RPH3AL: variants seen among roughly 807,000 people sequenced by gnomAD.
The protein encoded by RPH3AL is rab effector Noc2.
Under a neutral mutation model 43.1 loss-of-function variants are expected in RPH3AL, and 38 were observed. The ratio of observed to expected loss-of-function variants is 0.88; its 90% CI spans 0.68 to 1.15. RPH3AL has a LOEUF of 1.15. Among genes scored for constraint, RPH3AL ranks in the 50% most tolerant of loss-of-function variants. The pLI, the probability that RPH3AL is intolerant of heterozygous loss-of-function variation, is 0.00. For missense variants in RPH3AL, 462 were observed against 423.2 expected (o/e 1.09, Z -0.81); for synonymous variants, 189 against 176.3 (o/e 1.07, Z -0.57).
At chr17:316,960 TACAC>T (rs2044256813) in intron 5 of RPH3AL, among the ~76,000 whole-genome samples, 2 of 120,708 alleles carry the variant, frequency 1.7e-5, no homozygotes, top group African/African-American at 3.6e-5. Flanking sequence ...GTAGTCTCTC[TACAC>T]CCACCTCCAT....
chr17:266,196 C>T (rs1555547909), intron 6 of RPH3AL, among the ~76,000 whole-genome samples: 2 of 150,044 alleles, frequency 1.3e-5, no homozygotes, highest in Non-Finnish European at 1.5e-5. Flanking sequence ...CACTTTAAGG[C>T]CCCAGTGGTG....
At chr17:249,010 G>C (rs1305133937) in intron 6 of RPH3AL, among the ~76,000 whole-genome samples, 1 of 152,128 alleles carries the variant, frequency 6.6e-6, no homozygotes, top group East Asian at 1.9e-4. Flanking sequence ...TCTCAGATGG[G>C]ACAGCCTCTC....
At chr17:351,032 C>T (rs60932163) in intron 1 of RPH3AL, among the ~76,000 whole-genome samples, 2 of 152,148 alleles carry the variant, frequency 1.3e-5, no homozygotes, top group Admixed American at 6.5e-5. Context: ...GATGCTCCCC[C>T]CTTCTAGGAC....
At position 290,043 on chromosome 17, in the gene RPH3AL, C is replaced by G. The variant is rs1176674433; in HGVS notation, c.352-8189G>C. On this transcript the variant is annotated intron_variant, in intron 5 of 9. Transcript: ENST00000331302. This position sits in a 1 kb window ranked among gnomAD's most constrained non-coding sequence, Gnocchi z 4.2. ...ACCCTCCTGCTCCCTGTGCCCGGCA[C>G]AGTGACTATTTGCAGAAGAACGGAT... Among the ~76,000 whole-genome samples the G allele has an allele frequency of 6.6e-6, 1 of 152,220 alleles. No individual in the cohort carries two copies. Among genetic ancestry groups the G allele is most frequent in the Non-Finnish European group, 1.5e-5 (1 of 68,044 alleles).
chr17:343,651 T>C (rs981273675), intron 1 of RPH3AL, among the ~76,000 whole-genome samples: 1 of 152,218 alleles, frequency 6.6e-6, no homozygotes, highest in South Asian at 2.1e-4. Context: ...CCGGTGGTTC[T>C]GAATCGGAGT....
Position 337,743 on chromosome 17 carries a change from G to A in RPH3AL, c.-212-3809C>T, listed in dbSNP as rs535888210. Among the ~76,000 whole-genome samples, 39 of 152,294 alleles carry A rather than the reference G, an allele frequency of 2.6e-4. No homozygotes were observed. The East Asian group carries it at 4.4e-3, about 17-fold the overall frequency. The stretch of plus-strand genomic sequence containing the variant: ...CGAGGCACCAGGCCCGTGCCCAGCC[G>A]CTCAGTCTCGCTGCTCGAGGGCTGG... On this transcript the variant is annotated intron_variant, in intron 1 of 9. Transcript: ENST00000331302.
chr17:314,617 G>C (rs879028101), intron 5 of RPH3AL, among the ~76,000 whole-genome samples: 47 of 123,174 alleles, frequency 3.8e-4, no homozygotes, highest in Middle Eastern at 5.6e-3. Context: ...TGTAGTCCCT[G>C]TGCCCCACCT....
In RPH3AL at chr17:319,561, G is replaced by C. The variant is rs2044401750; in HGVS notation, c.222-12C>G. On this transcript the variant is annotated splice_polypyrimidine_tract_variant and intron_variant, in intron 4 of 9. Transcript: ENST00000331302. ...GCTCCACCAGCCGCCTGCAGCACAGGACACAGAGTCAGAGGGACTGTGCTT... is the reference window on the plus strand; with the variant it reads ...GCTCCACCAGCCGCCTGCAGCACAGCACACAGAGTCAGAGGGACTGTGCTT... 1 of 1,609,416 alleles carries C rather than the reference G, an allele frequency of 6.2e-7. No individual in the cohort carries two copies. Among genetic ancestry groups the C allele is most frequent in the African/African-American group, 1.3e-5 (1 of 74,872 alleles).
chr17:350,193 G>A (rs1320438316), intron 1 of RPH3AL, among the ~76,000 whole-genome samples: 1 of 152,162 alleles, frequency 6.6e-6, no homozygotes, highest in African/African-American at 2.4e-5. Flanking sequence ...TGGTAACAGA[G>A]TAAAAGTTCC....
intron 5 of RPH3AL, among the ~76,000 whole-genome samples, chr17:291,892 C>A (rs186902498): frequency 5.9e-5 from 9 of 152,288 alleles, no homozygotes; most frequent in Non-Finnish European, 1.2e-4. Flanking sequence ...ACACAGAGGA[C>A]AATCTAGAAA....
At chr17:232,099 C>T (rs1204502624) in intron 7 of RPH3AL, among the ~76,000 whole-genome samples, 2 of 152,208 alleles carry the variant, frequency 1.3e-5, no homozygotes, top group Non-Finnish European at 2.9e-5. Context: ...TGTGTGTGAG[C>T]TTCCGTTTCA....
At chr17:250,265 C>T (rs1305086397) in intron 6 of RPH3AL, among the ~76,000 whole-genome samples, 6 of 124,564 alleles carry the variant, frequency 4.8e-5, no homozygotes, top group African/African-American at 1.5e-4. Flanking sequence ...TCCGTCGCTG[C>T]GGGACCTCTC....
intron 6 of RPH3AL, among the ~76,000 whole-genome samples, chr17:278,540 C>T (rs564910421): frequency 2.9e-4 from 44 of 152,270 alleles, no homozygotes; most frequent in Admixed American, 1.1e-3. Context: ...ACTTGGAATG[C>T]TTTCCCTCCA....
intron 6 of RPH3AL, among the ~76,000 whole-genome samples, chr17:269,023 C>A (rs904907106): frequency 3.3e-5 from 5 of 152,098 alleles, no homozygotes; most frequent in Admixed American, 6.5e-5. Flanking sequence ...GGACTACAGG[C>A]GCCCGCCACC....
At chr17:310,982 A>G (rs2043631325) in intron 5 of RPH3AL, among the ~76,000 whole-genome samples, 1 of 152,084 alleles carries the variant, frequency 6.6e-6, no homozygotes, top group African/African-American at 2.4e-5. Context: ...ACACCTGCCC[A>G]TTCACTGCTC....
At chr17:214,682 A>G (rs1370848992) in intron 9 of RPH3AL, 1 of 152,014 alleles carries the variant, frequency 6.6e-6, no homozygotes, top group African/African-American at 2.4e-5. Flanking sequence ...AGGCAGGAGG[A>G]CCACTGGAGC....
intron 5 of RPH3AL, among the ~76,000 whole-genome samples, chr17:292,087 C>T (rs567316032): frequency 2.6e-5 from 4 of 152,350 alleles, no homozygotes; most frequent in African/African-American, 4.8e-5. Context: ...AAAGTGTCCA[C>T]GCAGACAGGC....
chr17:227,181 G>T (rs9915328), intron 7 of RPH3AL, among the ~76,000 whole-genome samples: 125,129 of 152,196 alleles, frequency 0.82, 51,887 homozygotes, highest in Non-Finnish European at 0.87. Context: ...CCTGCTTGCC[G>T]GGTGCTCATC....
At chr17:316,643 A>C in intron 5 of RPH3AL, among the ~76,000 whole-genome samples, 1 of 116,132 alleles carries the variant, frequency 8.6e-6, no homozygotes, top group Admixed American at 9.3e-5. Flanking sequence ...ACCTCCATTG[A>C]CCTGCAGTGC....
Sources: allele counts gnomAD v4.1 joint callset (sites outside exome capture counted in the v4.1 genomes callset), GRCh38; gene constraint gnomAD v4.1.1; non-coding constraint Gnocchi (gnomAD v3.1); transcripts MANE v1.5; gene names NCBI Gene and HGNC (gene_info 2026-07-23, HGNC 2026-07-21).